DNER: variants seen among roughly 807,000 people sequenced by gnomAD.
DNER encodes delta/notch like EGF repeat containing.
A neutral mutation model predicts 78.2 loss-of-function variants in DNER; 33 were observed. That is an observed-to-expected ratio of 0.42 (90% CI 0.32 to 0.56). The LOEUF (loss-of-function observed/expected upper bound fraction) is 0.56. Ranked by LOEUF, DNER falls within the 20% of genes least tolerant of loss-of-function variation. The pLI is 0.11. For missense variants in DNER, 918 were observed against 975.3 expected (o/e 0.94, Z 0.78); for synonymous variants, 417 against 384.8 (o/e 1.08, Z -0.98).
chr2:229,569,140 T>C (rs1289110365), intron 4 of DNER, among the ~76,000 whole-genome samples: 1 of 152,194 alleles, frequency 6.6e-6, no homozygotes, highest in Non-Finnish European at 1.5e-5. Flanking sequence ...TGAATGTGCA[T>C]CTGTGGTTGT....
chr2:229,378,824 G>A (rs1368380224), intron 11 of DNER, among the ~76,000 whole-genome samples: 2 of 152,078 alleles, frequency 1.3e-5, no homozygotes, highest in Admixed American at 6.5e-5. Context: ...TACGAATTCT[G>A]TGTGCACTCT....
chr2:229,587,032 G>A (rs1697515035), intron 3 of DNER: 2 of 976,700 alleles, frequency 2.0e-6, no homozygotes, highest in Non-Finnish European at 2.4e-6. Flanking sequence ...ATTCGGTCCC[G>A]TTCTGCAGCT....
At chr2:229,700,307 T>TGTGTGTGA (rs1559213980) in intron 1 of DNER, among the ~76,000 whole-genome samples, 5 of 150,862 alleles carry the variant, frequency 3.3e-5, no homozygotes, top group African/African-American at 9.7e-5. Flanking sequence ...TGTGTGTGTG[T>TGTGTGTGA]GTGTGTGTGT....
intron 1 of DNER, among the ~76,000 whole-genome samples, chr2:229,655,077 T>C (rs959329817): frequency 6.6e-6 from 1 of 152,130 alleles, no homozygotes; most frequent in Non-Finnish European, 1.5e-5. Flanking sequence ...AACCTAGTTT[T>C]TAAAACATTC....
Position 229,714,485 on chromosome 2 carries a change from T to C in DNER, c.-62A>G. 2.8e-6 allele frequency: 3 copies of C among 1,083,496 alleles called. No homozygotes were observed. Among genetic ancestry groups the C allele is most frequent in the South Asian group, 4.3e-5 (1 of 23,112 alleles). 67.1% of individuals were successfully genotyped at this position (1,083,496 alleles called of 1,614,324 possible). ...GCAGTGACGGCGGCGGCGGTGGCAG[T>C]GGCGACGAGAGCTGCGAGAGCGACG... On this transcript the variant is annotated 5_prime_UTR_variant, in exon 1 of 13. Transcript: ENST00000341772.
At chr2:229,700,284 A>G (rs572835315) in intron 1 of DNER, among the ~76,000 whole-genome samples, 144 of 36,580 alleles carry the variant, frequency 3.9e-3, no homozygotes, top group African/African-American at 8.7e-3. Flanking sequence ...ATGTCAATAT[A>G]TGTGTGTGTG....
intron 1 of DNER, among the ~76,000 whole-genome samples, chr2:229,649,514 G>T (rs1400717090): frequency 6.6e-6 from 1 of 152,162 alleles, no homozygotes; most frequent in Non-Finnish European, 1.5e-5. Flanking sequence ...AGTCCCACCA[G>T]TTCTCAGCTA....
chr2:229,586,830 G>A (rs2154214478), intron 3 of DNER: 1 of 985,822 alleles, frequency 1.0e-6, no homozygotes, highest in African/African-American at 1.7e-5. Flanking sequence ...GAAGATCACA[G>A]TAGACTCCGC....
intron 5 of DNER, among the ~76,000 whole-genome samples, chr2:229,519,491 A>C (rs1180074771): frequency 6.6e-6 from 1 of 152,142 alleles, no homozygotes; most frequent in Non-Finnish European, 1.5e-5. Flanking sequence ...TGCTTCAGTG[A>C]AATTATTGCA....
chr2:229,570,089 T>G (rs1697188189), intron 4 of DNER, among the ~76,000 whole-genome samples: 1 of 152,232 alleles, frequency 6.6e-6, no homozygotes, highest in African/African-American at 2.4e-5. Context: ...CTAGCTGGTT[T>G]TTTGGTTGTT....
At chr2:229,444,908 T>A (rs1694309188) in intron 8 of DNER, among the ~76,000 whole-genome samples, 1 of 151,986 alleles carries the variant, frequency 6.6e-6, no homozygotes, top group Non-Finnish European at 1.5e-5. Flanking sequence ...AGAAAAGAAG[T>A]CAGAGGAGAA....
chr2:229,498,671 T>A, intron 6 of DNER, among the ~76,000 whole-genome samples: 1 of 152,136 alleles, frequency 6.6e-6, no homozygotes, highest in East Asian at 1.9e-4. Flanking sequence ...TTATAGTAAC[T>A]ACAAAATAAA....
rs1574898220 is a variant in DNER at position 229,550,964 on chromosome 2, A to G, written c.848-3872T>C. On this transcript the variant is annotated intron_variant, in intron 4 of 12. Transcript: ENST00000341772. ...TAGCAAAACTTCCCAAATATTTTCA[A>G]TGTTCTCAATGTTGAAGTCCTTGCA... is the stretch of plus-strand genomic sequence containing the variant. 2.0e-5 allele frequency among the ~76,000 whole-genome samples: 3 copies of G among 152,244 alleles called. No individual in the cohort carries two copies. In the East Asian group the frequency reaches 5.8e-4, roughly 29 times the overall value.
intron 1 of DNER, among the ~76,000 whole-genome samples, chr2:229,593,381 C>T (rs192450938): frequency 3.9e-5 from 6 of 152,258 alleles, no homozygotes; most frequent in Non-Finnish European, 4.4e-5. Context: ...TTTCTCCAGA[C>T]GTTGCACGGC....
intron 10 of DNER, among the ~76,000 whole-genome samples, chr2:229,400,500 T>A (rs1662214838): frequency 6.6e-6 from 1 of 151,992 alleles, no homozygotes; most frequent in African/African-American, 2.4e-5. Flanking sequence ...GGCTGAAGCA[T>A]CTTGCAGTGC....
intron 4 of DNER, among the ~76,000 whole-genome samples, chr2:229,583,385 G>A (rs1340716226): frequency 6.6e-6 from 1 of 152,196 alleles, no homozygotes; most frequent in Non-Finnish European, 1.5e-5. Flanking sequence ...CACAAAGCCT[G>A]TTTTATAATA....
chr2:229,403,329 C>A (rs1032030985), intron 10 of DNER, among the ~76,000 whole-genome samples: 1 of 152,018 alleles, frequency 6.6e-6, no homozygotes, highest in Admixed American at 6.6e-5. Flanking sequence ...ACAATAGATT[C>A]TCTTTAAGGA....
intron 7 of DNER, among the ~76,000 whole-genome samples, chr2:229,449,405 A>C (rs1202014051): frequency 1.3e-5 from 2 of 152,214 alleles, no homozygotes; most frequent in Non-Finnish European, 2.9e-5. Context: ...AGCTGCTTAA[A>C]ATATTAAAAG....
chr2:229,660,662 T>C (rs148435902), intron 1 of DNER, among the ~76,000 whole-genome samples: 199 of 152,332 alleles, frequency 1.3e-3, no homozygotes, highest in African/African-American at 4.7e-3. Context: ...TAATTTGCAA[T>C]GCAACTGTTA....
Sources: gnomAD v4.1 joint callset for allele counts (sites outside exome capture counted in the v4.1 genomes callset) on GRCh38, gnomAD v4.1.1 for gene constraint, MANE v1.5 for transcripts, NCBI Gene and HGNC (gene_info 2026-07-23, HGNC 2026-07-21) for gene names.